PKD1L1: variants seen among roughly 807,000 people sequenced by gnomAD.
PKD1L1 encodes the protein polycystin-1-like protein 1.
A neutral mutation model predicts 323.4 loss-of-function variants in PKD1L1; 236 were observed. The observed-to-expected ratio is 0.73, with a 90% confidence interval of 0.66 to 0.81. PKD1L1 has a LOEUF of 0.81. Ranked by LOEUF, PKD1L1 falls within the 40% of genes least tolerant of loss-of-function variation. The pLI is 0.00. For missense variants in PKD1L1, 3,320 were observed against 3,508.0 expected, an observed-to-expected ratio of 0.95 and a Z score of 1.35; for synonymous variants, 1,344 against 1,335.0, an observed-to-expected ratio of 1.01 and a Z score of -0.15.
Position 47,915,530 on chromosome 7 carries a change from G to A in PKD1L1, c.1130C>T (p.Thr377Ile), listed in dbSNP as rs1339649384. 1 of 1,541,784 alleles carries A rather than the reference G, an allele frequency of 6.5e-7. No homozygotes were observed. The highest frequency in any genetic ancestry group is 9.0e-7 in the Non-Finnish European group (1 of 1,114,574). Residue 377 changes from threonine to isoleucine, a missense_variant, in exon 8 of 57, where the codon ACA becomes ATA. Transcript: ENST00000289672. ...TTGGCACAAGTAAACATTTAAAGTT[G>A]TATTTTGTGTCTCTGCTTCTTTGTA... ...STYKEAETQN[T>I]TLNVYLCQSE... is the part of the protein sequence containing the mutation.
chr7:47,779,361 A>G (rs1412059722), intron 56 of PKD1L1, among the ~76,000 whole-genome samples: 3 of 152,162 alleles, frequency 2.0e-5, no homozygotes, highest in Non-Finnish European at 4.4e-5. Context: ...TGCTGTTCAA[A>G]ATGCTCGTGA....
At chr7:47,837,174 T>C in intron 36 of PKD1L1, 80 bp from the exon 37 acceptor site, 1 of 1,498,898 alleles carries the variant, frequency 6.7e-7, no homozygotes, top group African/African-American at 1.4e-5. Context: ...AGCAGTGATC[T>C]TCTGAGCAGA....
At chr7:47,843,237 G>A (rs1274026011) in intron 33 of PKD1L1, 68 bp from the exon 34 acceptor site, 4 of 1,182,474 alleles carry the variant, frequency 3.4e-6, no homozygotes, top group Non-Finnish European at 4.8e-6. Flanking sequence ...AAGACTGATT[G>A]CCACCCCTAG....
chr7:47,888,081 T>G lies in PKD1L1; in HGVS notation c.2745A>C (p.Gln915His). The G allele has an allele frequency of 1.2e-6, 2 of 1,613,946 alleles. No homozygotes were observed. Among genetic ancestry groups the G allele is most frequent in the Non-Finnish European group, 8.5e-7 (1 of 1,179,852 alleles). ...FVNWNDELSL[Q>H]AMCEDCSEIP... ...TTTCACTGCAGTCCTCACACATAGC[T>G]TGAAGAGAGAGTTCGTCATTCCAGT... Residue 915 changes from glutamine (Q) to histidine (H), a missense_variant, in exon 17 of 57, where the codon CAA (glutamine) becomes CAC (histidine). By Grantham distance (24) the Gln-to-His change is conservative. Transcript: ENST00000289672.
chr7:47,940,123 G>A (rs1352781448), intron 3 of PKD1L1, 70 bp downstream of exon 3: 1 of 1,558,328 alleles, frequency 6.4e-7, no homozygotes, highest in East Asian at 2.3e-5. Flanking sequence ...ACATGGAGGT[G>A]CTTTTTAGCT....
Position 47,813,165 on chromosome 7 carries a change from G to A in PKD1L1, c.7302C>T (p.Gly2434=), listed in dbSNP as rs772838187. The A allele has an allele frequency of 3.7e-6, 6 of 1,613,902 alleles. No homozygotes were observed. The Admixed American group carries it at 8.3e-5, about 22-fold the overall frequency. Residue 2434 remains glycine, a synonymous_variant, in exon 49 of 57, where the codon GGC becomes GGT. Coordinates refer to ENST00000289672, the MANE Select transcript of PKD1L1 (RefSeq NM_138295.5). The part of the protein sequence containing the change: ...NQNVTLNGPG[G]CGTREDCVLS... ...GCACACAGTCCTCCCTTGTCCCACA[G>A]CCCCCAGGACCATTCAGGGTCACGT...
intron 7 of PKD1L1, among the ~76,000 whole-genome samples, chr7:47,925,904 C>A (rs1425937957): frequency 7.1e-6 from 1 of 140,816 alleles, no homozygotes; most frequent in Non-Finnish European, 1.5e-5. Context: ...GAAAAAATAT[C>A]CCTTTTATAA....
rs1785518589 is a variant in PKD1L1 at position 47,839,273 on chromosome 7, CCACT to C, written c.5769+169_5769+172del. ...GGGTAATTAATCCATGCTTGGATGG[CCACT>C]CAATGAATGTATCATTTAATATTTT... On this transcript the variant is annotated intron_variant, in intron 36 of 56. Transcript: ENST00000289672. This position sits in a 1 kb window ranked among gnomAD's most constrained non-coding sequence, Gnocchi z 4.3. Among the ~76,000 whole-genome samples the C allele has an allele frequency of 6.6e-6, 1 of 152,200 alleles. No homozygotes were observed. Among genetic ancestry groups the C allele is most frequent in the South Asian group, 2.1e-4 (1 of 4,824 alleles).
At chr7:47,786,924 G>T (rs1046673319) in intron 56 of PKD1L1, among the ~76,000 whole-genome samples, 1 of 152,128 alleles carries the variant, frequency 6.6e-6, no homozygotes, top group Non-Finnish European at 1.5e-5. Context: ...GAAGGTGGGG[G>T]CTGGCAACTC....
intron 55 of PKD1L1, 31 bp downstream of exon 55, chr7:47,795,958 A>G: frequency 6.3e-7 from 1 of 1,599,458 alleles, no homozygotes. Context: ...GTGTGCTATC[A>G]TGCTCAGTAA....
Position 47,860,374 on chromosome 7 carries a change from C to T in PKD1L1, c.4150-1489G>A, listed in dbSNP as rs542726257. ...TTCATTCATCAATGCTTAAAAGACA[C>T]AGACTAATCTTTTTCTTCTTTGTAC... On this transcript the variant is annotated intron_variant, in intron 26 of 56. Transcript: ENST00000289672. Among the ~76,000 whole-genome samples the T allele has an allele frequency of 7.3e-4, 111 of 152,346 alleles. 1 individual carries two copies. The highest frequency in any genetic ancestry group is 2.5e-3 in the African/African-American group (103 of 41,590).
intron 54 of PKD1L1, among the ~76,000 whole-genome samples, chr7:47,800,174 T>G (rs1182444498): frequency 6.6e-6 from 1 of 152,218 alleles, no homozygotes; most frequent in Non-Finnish European, 1.5e-5. Context: ...ATGACTAGAT[T>G]TGCCAGTGGC....
At chr7:47,917,885 AG>A (rs1365163334) in intron 7 of PKD1L1, among the ~76,000 whole-genome samples, 1 of 152,180 alleles carries the variant, frequency 6.6e-6, no homozygotes, top group Non-Finnish European at 1.5e-5. Context: ...TAAATCTCAC[AG>A]GACCTATAAA....
chr7:47,918,136 GA>G (rs1421886056), intron 7 of PKD1L1, among the ~76,000 whole-genome samples: 1 of 152,086 alleles, frequency 6.6e-6, no homozygotes, highest in Admixed American at 6.5e-5. Context: ...TAAAGTGGTA[GA>G]AAAAGACATT....
At chr7:47,920,485 T>C (rs1218907324) in intron 7 of PKD1L1, among the ~76,000 whole-genome samples, 1 of 152,050 alleles carries the variant, frequency 6.6e-6, no homozygotes, top group Non-Finnish European at 1.5e-5. Context: ...ATCTACAAAT[T>C]CAGTGGAATA....
chr7:47,907,684 C>A (rs989591660), intron 9 of PKD1L1, among the ~76,000 whole-genome samples: 1 of 152,194 alleles, frequency 6.6e-6, no homozygotes, highest in Non-Finnish European at 1.5e-5. Flanking sequence ...CCAGCCCGTG[C>A]TGCAAGGCTC....
chr7:47,931,452 G>T, intron 5 of PKD1L1, 131 bp from the exon 6 acceptor site: 1 of 955,358 alleles, frequency 1.0e-6, no homozygotes. Context: ...CTATTTGGGT[G>T]GGTGACCACA....
In PKD1L1 at chr7:47,886,029, C is replaced by G; in HGVS notation, c.2862G>C (p.Leu954=). Residue 954 remains leucine (L), a synonymous_variant, in exon 18 of 57, where the codon CTG becomes CTC. Coordinates refer to ENST00000289672, the MANE Select transcript of PKD1L1 (RefSeq NM_138295.5). ...IEVPFCRVVG[L]LGSLGLGAIS... ...TGGCACCGAGTCCCAGCGAGCCAAG[C>G]AGCCCCACTACTCTGCAGAAGGGAA... The G allele has an allele frequency of 6.2e-7, 1 of 1,613,954 alleles. No individual in the cohort carries two copies. The highest frequency in any genetic ancestry group is 8.5e-7 in the Non-Finnish European group (1 of 1,179,906).
intron 17 of PKD1L1, 111 bp downstream of exon 17, chr7:47,887,879 A>G (rs1786718295): frequency 1.9e-6 from 2 of 1,074,046 alleles, no homozygotes; most frequent in Admixed American, 5.0e-5. Context: ...TTCACCAGGC[A>G]GATCAGACAC....
Sources: allele counts gnomAD v4.1 joint callset (sites outside exome capture counted in the v4.1 genomes callset), GRCh38; gene constraint gnomAD v4.1.1; non-coding constraint Gnocchi (gnomAD v3.1); transcripts MANE v1.5; gene names NCBI Gene and HGNC (gene_info 2026-07-23, HGNC 2026-07-21).